Variants in RGS22 observed in about 807,000 individuals in gnomAD.
RGS22 encodes the protein regulator of G protein signaling 22.
Under a neutral mutation model 172.9 loss-of-function variants are expected in RGS22, and 148 were observed. The observed-to-expected ratio is 0.86, with a 90% CI of 0.75 to 0.98. The LOEUF is 0.98. Among genes scored for constraint, RGS22 ranks in the 50% least tolerant of loss-of-function variants. The pLI, the probability that RGS22 is intolerant of heterozygous loss-of-function variation, is 0.00. For missense variants in RGS22, 1,347 were observed against 1,440.8 expected (o/e 0.93, Z 1.05); for synonymous variants, 458 against 480.2 (o/e 0.95, Z 0.60).
chr8:100,068,270 C>G (rs957951389), intron 6 of RGS22, among the ~76,000 whole-genome samples: 1 of 151,984 alleles, frequency 6.6e-6, no homozygotes, highest in South Asian at 2.1e-4. Context: ...CTCTTGTAGT[C>G]CCAGCTGGGA....
At chr8:100,074,253 A>T (rs1040524162) in intron 4 of RGS22, among the ~76,000 whole-genome samples, 1 of 152,268 alleles carries the variant, frequency 6.6e-6, no homozygotes, top group African/African-American at 2.4e-5. Context: ...GTTATCAGCC[A>T]ATAGATCTTA....
chr8:99,998,406 T>C (rs62534650), intron 19 of RGS22, among the ~76,000 whole-genome samples: 6 of 152,104 alleles, frequency 3.9e-5, no homozygotes, highest in Non-Finnish European at 7.4e-5. Flanking sequence ...AGTGTTGAGA[T>C]TAAAACTTGG....
At chr8:100,009,278 C>T (rs1236142719) in intron 14 of RGS22, among the ~76,000 whole-genome samples, 2 of 151,904 alleles carry the variant, frequency 1.3e-5, no homozygotes, top group Non-Finnish European at 2.9e-5. Flanking sequence ...ATTAGCCAGG[C>T]GTGATGGTGC....
intron 14 of RGS22, among the ~76,000 whole-genome samples, chr8:100,036,898 C>T (rs1254777509): frequency 1.3e-5 from 2 of 152,112 alleles, no homozygotes; most frequent in East Asian, 3.9e-4. Context: ...CACGCCTGGC[C>T]CATAGCAATT....
intron 23 of RGS22, among the ~76,000 whole-genome samples, chr8:99,977,370 G>A (rs374482332): frequency 8.2e-5 from 12 of 146,702 alleles, no homozygotes; most frequent in African/African-American, 2.5e-4. Context: ...CAATCCGCCC[G>A]TCTCGGCCTC....
At chr8:99,966,702 C>T (rs1310893936) in intron 23 of RGS22, among the ~76,000 whole-genome samples, 2 of 152,062 alleles carry the variant, frequency 1.3e-5, no homozygotes, top group African/African-American at 4.8e-5. Context: ...CATTTCATGC[C>T]TTTCAAATTA....
At chr8:100,091,998 CAG>C (rs748140481) in intron 3 of RGS22, 2 of 152,098 alleles carry the variant, frequency 1.3e-5, no homozygotes, top group East Asian at 3.9e-4. Flanking sequence ...CTATGCCCAA[CAG>C]AGAGAGTACA....
intron 14 of RGS22, among the ~76,000 whole-genome samples, chr8:100,038,222 A>C (rs1286633616): frequency 6.6e-6 from 1 of 152,154 alleles, no homozygotes; most frequent in East Asian, 1.9e-4. Flanking sequence ...TGACAATAAA[A>C]AACTGCAAAA....
At chr8:100,031,198 A>G (rs954259387) in intron 14 of RGS22, among the ~76,000 whole-genome samples, 7 of 152,288 alleles carry the variant, frequency 4.6e-5, no homozygotes, top group South Asian at 2.1e-4. Flanking sequence ...ATTAAAACTA[A>G]CTGACTTAAC....
intron 19 of RGS22, among the ~76,000 whole-genome samples, chr8:99,997,234 C>T (rs1015895688): frequency 6.6e-6 from 1 of 152,134 alleles, no homozygotes; most frequent in African/African-American, 2.4e-5. Flanking sequence ...GTCTTTGGTT[C>T]AAGGTTGCCA....
chr8:100,070,812 T>C (rs75666585), intron 6 of RGS22, among the ~76,000 whole-genome samples: 2,920 of 152,064 alleles, frequency 0.019, 77 homozygotes, highest in African/African-American at 0.063. Flanking sequence ...TGAGAAGTTC[T>C]GGCCAGGTGT....
At chr8:100,040,904 C>G (rs991698540) in intron 12 of RGS22, among the ~76,000 whole-genome samples, 2 of 151,900 alleles carry the variant, frequency 1.3e-5, no homozygotes, top group Admixed American at 6.6e-5. Flanking sequence ...TAAACAAATT[C>G]TGAAGTGAGA....
At chr8:100,057,269 G>A (rs1028704422) in intron 9 of RGS22, among the ~76,000 whole-genome samples, 1 of 152,158 alleles carries the variant, frequency 6.6e-6, no homozygotes, top group Non-Finnish European at 1.5e-5. Context: ...TGATTTTACA[G>A]GCTCATAGGC....
At position 100,077,825 on chromosome 8, in the gene RGS22, C is replaced by A. The variant is rs139432629; in HGVS notation, c.339+2309G>T. On this transcript the variant is annotated intron_variant, in intron 4 of 27. Transcript: ENST00000360863. ...TACTGAGAGAGCAGTGCTTTAGTCT[C>A]CAACTATAACTATAAATTTATCTAT... 2.2e-3 allele frequency among the ~76,000 whole-genome samples: 332 copies of A among 152,268 alleles called. 2 individuals carry two copies. The highest frequency in any genetic ancestry group is 7.9e-3 in the African/African-American group (327 of 41,558).
chr8:99,996,285 TAG>T (rs1814374732), intron 20 of RGS22, among the ~76,000 whole-genome samples, 175 bp downstream of exon 20: 1 of 152,112 alleles, frequency 6.6e-6, no homozygotes, highest in East Asian at 1.9e-4. Flanking sequence ...AGAGTTCTGA[TAG>T]AGTCACATTT....
At chr8:99,987,419 C>T (rs1392359295) in intron 21 of RGS22, 39 bp downstream of exon 21, 4 of 1,489,304 alleles carry the variant, frequency 2.7e-6, no homozygotes, top group East Asian at 2.3e-5. Context: ...GCATTTCCTC[C>T]TCAAAACAGG....
intron 20 of RGS22, 41 bp from the exon 21 acceptor site, chr8:99,987,660 A>G (rs1273929188): frequency 2.8e-6 from 4 of 1,420,234 alleles, no homozygotes; most frequent in Non-Finnish European, 3.7e-6. Flanking sequence ...CTCATTAATT[A>G]GGCTAACAAT....
chr8:100,062,079 T>C (rs1810180110), intron 9 of RGS22, among the ~76,000 whole-genome samples: 2 of 152,098 alleles, frequency 1.3e-5, no homozygotes, highest in South Asian at 4.1e-4. Context: ...TTCTCACTTA[T>C]AAGTGGGAGC....
intron 6 of RGS22, among the ~76,000 whole-genome samples, chr8:100,070,323 T>A (rs894412607): frequency 2.2e-4 from 34 of 152,068 alleles, no homozygotes; most frequent in African/African-American, 7.5e-4. Context: ...AAATGTTAAA[T>A]AGAAAAAATT....
Sources: gnomAD v4.1 joint callset for allele counts (sites outside exome capture counted in the v4.1 genomes callset) on GRCh38, gnomAD v4.1.1 for gene constraint, MANE v1.5 for transcripts, NCBI Gene and HGNC (gene_info 2026-07-23, HGNC 2026-07-21) for gene names.